Variants in MELK observed in about 807,000 individuals in gnomAD.
MELK encodes pEg3 kinase.
In MELK, 81 loss-of-function variants were observed where a neutral mutation model predicts 85.0. The observed-to-expected ratio is 0.95, with a 90% confidence interval of 0.80 to 1.15. The LOEUF is 1.15. Ranked by LOEUF, MELK falls within the 50% of genes most tolerant of loss-of-function variation. The probability of loss-of-function intolerance (pLI) is 0.00; values close to 1 mark genes in which losing one functional copy is unlikely to be tolerated. For synonymous variants in MELK, 252 were observed against 265.0 expected (o/e 0.95, Z 0.48); for missense variants, 754 against 777.5 (o/e 0.97, Z 0.36).
At chr9:36,584,633 C>T (rs1187814769) in intron 3 of MELK, among the ~76,000 whole-genome samples, 2 of 151,522 alleles carry the variant, frequency 1.3e-5, no homozygotes, top group Non-Finnish European at 2.9e-5. Flanking sequence ...GCGCCCGGCC[C>T]CATCTTTATT....
At chr9:36,631,924 A>T (rs1828676952) in intron 9 of MELK, among the ~76,000 whole-genome samples, 2 of 152,092 alleles carry the variant, frequency 1.3e-5, no homozygotes, top group Non-Finnish European at 2.9e-5. Context: ...GATCTCCCAA[A>T]GTGCTGGGAT....
chr9:36,590,562 C>G (rs1434366623), intron 4 of MELK, among the ~76,000 whole-genome samples: 2 of 152,182 alleles, frequency 1.3e-5, no homozygotes, highest in Non-Finnish European at 2.9e-5. Flanking sequence ...AAGGTTTAGG[C>G]TTACCCTGAT....
At chr9:36,670,974 G>T (rs1421477659) in intron 15 of MELK, 24 bp from the exon 16 acceptor site, 1 of 1,591,996 alleles carries the variant, frequency 6.3e-7, no homozygotes, top group African/African-American at 1.4e-5. Context: ...CTCTACTTGT[G>T]CCTTGTTTTA....
At chr9:36,635,600 C>T (rs971173350) in intron 10 of MELK, among the ~76,000 whole-genome samples, 3 of 152,038 alleles carry the variant, frequency 2.0e-5, no homozygotes, top group East Asian at 3.9e-4. Context: ...ACCATCCATA[C>T]AAATGTCAAC....
chr9:36,595,521 C>T (rs529259499), intron 5 of MELK, among the ~76,000 whole-genome samples: 19 of 151,826 alleles, frequency 1.3e-4, no homozygotes, highest in East Asian at 5.9e-4. Flanking sequence ...TATGAGCCAC[C>T]GCTCCTGGCC....
chr9:36,581,672 C>G lies in MELK; in HGVS notation c.-10C>G, dbSNP rs1258891759. The G allele has an allele frequency of 4.5e-6, 7 of 1,568,870 alleles. No homozygotes were observed. The highest frequency in any genetic ancestry group is 6.1e-6 in the Non-Finnish European group (7 of 1,140,872). On this transcript the variant is annotated 5_prime_UTR_variant, in exon 2 of 18. Coordinates refer to ENST00000298048, the MANE Select transcript of MELK (RefSeq NM_014791.4). Reference sequence around the variant, plus strand: ...CTTTTTCTAATTCCAAATAAACTTGCAAGAGGACTATGAAAGATTATGATG... The same window carrying G: ...CTTTTTCTAATTCCAAATAAACTTGGAAGAGGACTATGAAAGATTATGATG...
At chr9:36,621,114 C>CA (rs1052702921) in intron 8 of MELK, among the ~76,000 whole-genome samples, 2 of 150,542 alleles carry the variant, frequency 1.3e-5, no homozygotes, top group African/African-American at 2.4e-5. Flanking sequence ...ACTAAAAATA[C>CA]AAAAAAATTT....
chr9:36,667,970 T>C (rs923554942), intron 14 of MELK, among the ~76,000 whole-genome samples: 1 of 152,176 alleles, frequency 6.6e-6, no homozygotes, highest in African/African-American at 2.4e-5. Context: ...GGTTTCAACA[T>C]GTTGGGCAGG....
chr9:36,619,878 G>A (rs1190529365), intron 8 of MELK, among the ~76,000 whole-genome samples: 1 of 152,148 alleles, frequency 6.6e-6, no homozygotes, highest in Non-Finnish European at 1.5e-5. Flanking sequence ...TGTGTGTGTT[G>A]CATATCTTTG....
chr9:36,651,305 A>G (rs974321154), intron 11 of MELK, among the ~76,000 whole-genome samples: 1 of 152,234 alleles, frequency 6.6e-6, no homozygotes, highest in Non-Finnish European at 1.5e-5. Context: ...TGTGAATGCT[A>G]TTTACATAAT....
At chr9:36,651,998 A>G (rs913396635) in intron 12 of MELK, 121 bp downstream of exon 12, 2 of 865,340 alleles carry the variant, frequency 2.3e-6, no homozygotes, top group Non-Finnish European at 3.2e-6. Flanking sequence ...TATGATTTCA[A>G]TATTTTTGAT....
chr9:36,673,849 T>C (rs1028443723), intron 16 of MELK, among the ~76,000 whole-genome samples: 8 of 152,230 alleles, frequency 5.3e-5, no homozygotes, highest in Non-Finnish European at 7.3e-5. Context: ...TTTATATCAT[T>C]AGGGTTTTTT....
At position 36,660,353 on chromosome 9, in the gene MELK, C is replaced by T. The variant is rs543539281; in HGVS notation, c.1176+2990C>T. Among the ~76,000 whole-genome samples, 11 of 151,964 alleles carry T rather than the reference C, an allele frequency of 7.2e-5. No individual in the cohort carries two copies. The South Asian group carries it at 1.0e-3, about 14-fold the overall frequency. On this transcript the variant is annotated intron_variant, in intron 13 of 17. Coordinates refer to ENST00000298048, the MANE Select transcript of MELK (RefSeq NM_014791.4). ...TTGTTTTTGAGATAGGATCTCATTC[C>T]GTCAACCAGGCTGGAGTCCAGTGGT... is the stretch of plus-strand genomic sequence containing the variant.
chr9:36,657,306 CTA>C lies in MELK; in HGVS notation c.1121_1122del (p.Tyr374Ter), dbSNP rs773842096. The C allele has an allele frequency of 6.8e-6, 11 of 1,613,564 alleles. No homozygotes were observed. The South Asian group carries it at 1.2e-4, about 18-fold the overall frequency. On this transcript the variant is annotated frameshift_variant, in exon 13 of 18. Coordinates refer to ENST00000298048, the MANE Select transcript of MELK (RefSeq NM_014791.4). LOFTEE classifies it high-confidence loss of function. ...AAAATTATGTGGCGGGATTAATAGACTATGATTGGTGTGAAGATGATTTATCA... is the reference window on the plus strand; with the variant it reads ...AAAATTATGTGGCGGGATTAATAGACTGATTGGTGTGAAGATGATTTATCA... ...DKNYVAGLID[Y>X]DWCEDDLSTG...
At chr9:36,667,068 T>A (rs1411398535) in intron 14 of MELK, among the ~76,000 whole-genome samples, 2 of 152,138 alleles carry the variant, frequency 1.3e-5, no homozygotes, top group African/African-American at 4.8e-5. Context: ...ACAGTACCCT[T>A]TGTGACTCAT....
intron 8 of MELK, 31 bp from the exon 9 acceptor site, chr9:36,630,267 AC>A (rs755107433): frequency 6.4e-7 from 1 of 1,555,080 alleles, no homozygotes; most frequent in South Asian, 1.1e-5. Context: ...GGCTGATTGA[AC>A]CTGAATCTCT....
At chr9:36,674,761 C>A in intron 16 of MELK, 73 bp from the exon 17 acceptor site, 1 of 857,554 alleles carries the variant, frequency 1.2e-6, no homozygotes, top group South Asian at 1.5e-5. Flanking sequence ...AGTTTTGGAA[C>A]TCTTGATCTG....
intron 12 of MELK, among the ~76,000 whole-genome samples, chr9:36,654,566 G>A (rs1028618948): frequency 1.3e-5 from 2 of 151,680 alleles, no homozygotes; most frequent in African/African-American, 4.8e-5. Flanking sequence ...ATGTTGGTCA[G>A]GCTGGTCTCG....
chr9:36,573,133 C>T (rs1821259191), intron 1 of MELK, 126 bp downstream of exon 1: 1 of 152,266 alleles, frequency 6.6e-6, no homozygotes, highest in Non-Finnish European at 1.5e-5. Context: ...ATCGGAGCCC[C>T]GCGCTTTACC....
Sources: gnomAD v4.1 joint callset for allele counts (sites outside exome capture counted in the v4.1 genomes callset) on GRCh38, gnomAD v4.1.1 for gene constraint, MANE v1.5 for transcripts, NCBI Gene and HGNC (gene_info 2026-07-23, HGNC 2026-07-21) for gene names.